Variants in DAB2IP observed in about 807,000 individuals in gnomAD.
The protein encoded by DAB2IP is DAB2 interacting protein.
DAB2IP carries 28 observed loss-of-function variants against 107.2 expected under a neutral mutation model. The ratio of observed to expected loss-of-function variants is 0.26; its 90% CI spans 0.19 to 0.36. The LOEUF (loss-of-function observed/expected upper bound fraction) is 0.36, where lower values mean the gene tolerates loss of function less well. Ranked by LOEUF, DAB2IP falls within the 10% of genes least tolerant of loss-of-function variation. The pLI is 1.00. For synonymous variants in DAB2IP, 755 were observed against 706.4 expected (o/e 1.07, Z -1.09); for missense variants, 1,400 against 1,644.7 (o/e 0.85, Z 2.57).
intron 1 of DAB2IP, among the ~76,000 whole-genome samples, chr9:121,601,873 T>G (rs928016689): frequency 2.9e-5 from 4 of 139,582 alleles, no homozygotes; most frequent in Non-Finnish European, 6.2e-5. Flanking sequence ...GATCCTTGCT[T>G]GCATACATGC....
chr9:121,745,046 G>A (rs1476020561), intron 3 of DAB2IP, among the ~76,000 whole-genome samples: 1 of 152,234 alleles, frequency 6.6e-6, no homozygotes, highest in Non-Finnish European at 1.5e-5. Flanking sequence ...CTGTGGGCCA[G>A]GTGGCAGATG....
intron 2 of DAB2IP, among the ~76,000 whole-genome samples, chr9:121,690,331 G>A (rs1221757616): frequency 6.6e-6 from 1 of 152,092 alleles, no homozygotes; most frequent in Non-Finnish European, 1.5e-5. Context: ...GTGATAGGAC[G>A]TGCAGGCAGG....
At position 121,570,799 on chromosome 9, in the gene DAB2IP, C is replaced by T. The variant is rs181032748; in HGVS notation, c.40+3571C>T. Among the ~76,000 whole-genome samples, 590 of 152,258 alleles carry T rather than the reference C, an allele frequency of 3.9e-3. 5 individuals carry two copies. The highest frequency in any genetic ancestry group is 0.014 in the African/African-American group (571 of 41,520). ...CTGGGCTCTCTCAATCTGCCCGCCT[C>T]GGCTTCCCAAAGTGCTGGGATTACA... On this transcript the variant is annotated intron_variant, in intron 1 of 16. Coordinates refer to the DAB2IP transcript ENST00000259371.
chr9:121,615,197 G>A (rs1279723720), intron 1 of DAB2IP, among the ~76,000 whole-genome samples: 1 of 152,168 alleles, frequency 6.6e-6, no homozygotes, highest in African/African-American at 2.4e-5. Flanking sequence ...ATGCTTTGTA[G>A]AAAAGAAGGT....
rs1382638383 is a variant in DAB2IP, at chr9:121,751,085, G to GCTGCCCGGCTGCTGTGGACCTTTCCCC, written c.363-5901_363-5875dup. On this transcript the variant is annotated intron_variant, in intron 3 of 15. Transcript: ENST00000408936. Reference sequence around the variant, plus strand: ...GTTAGCTGGCTGTGGACCTTTCCCTGCTGCCCGGCTGCTGTGGACCTTTCC... The same window carrying GCTGCCCGGCTGCTGTGGACCTTTCCCC: ...GTTAGCTGGCTGTGGACCTTTCCCTGCTGCCCGGCTGCTGTGGACCTTTCCCCCTGCCCGGCTGCTGTGGACCTTTCC... 254 of 215,582 alleles carry GCTGCCCGGCTGCTGTGGACCTTTCCCC rather than the reference G, an allele frequency of 1.2e-3. 5 individuals are homozygous for GCTGCCCGGCTGCTGTGGACCTTTCCCC. The highest frequency in any genetic ancestry group is 5.9e-3 in the African/African-American group (243 of 41,132). The allele number at this position is 215,582 out of a possible 1,614,324, so 13.4% of individuals were successfully genotyped here. A position where few individuals can be genotyped will look rare whatever the true frequency, so the allele number is the denominator to read the frequency against.
chr9:121,574,735 G>A (rs1830018052), intron 1 of DAB2IP, among the ~76,000 whole-genome samples: 1 of 152,104 alleles, frequency 6.6e-6, no homozygotes, highest in Admixed American at 6.5e-5. Context: ...CCACCCCACT[G>A]GGTCTCCTGG....
At chr9:121,567,131 A>G (rs984845100) in exon 1 of DAB2IP, 1 of 1,610,600 alleles carries the variant, frequency 6.2e-7, no homozygotes, top group East Asian at 2.2e-5. Flanking sequence ...CCAGACGCTC[A>G]TGGAGACAGC....
rs1417818168 is a variant in DAB2IP at position 121,766,766 on chromosome 9, A to G, written c.1697+36A>G. On this transcript the variant is annotated intron_variant, in intron 9 of 15. Coordinates refer to ENST00000408936, the Ensembl canonical transcript of DAB2IP. Reference sequence around the variant, plus strand: ...CCTCCCTCACCAGGCAGAGTTGGGCAGGGCTGGTGTCCACAGGGCAGGCCC... The same window carrying G: ...CCTCCCTCACCAGGCAGAGTTGGGCGGGGCTGGTGTCCACAGGGCAGGCCC... 6 of 1,606,902 alleles carry G rather than the reference A, an allele frequency of 3.7e-6. No homozygotes were observed. The African/African-American group carries it at 8.0e-5, about 21-fold the overall frequency.
rs115048147 is a variant in DAB2IP at position 121,675,657 on chromosome 9, A to T, written c.125-3021A>T. Reference sequence around the variant, plus strand: ...GGAGCCATGGACTCGGTCCAGACACACTGGACCCTCATTCCTGTTGTGGTG... The same window carrying T: ...GGAGCCATGGACTCGGTCCAGACACTCTGGACCCTCATTCCTGTTGTGGTG... On this transcript the variant is annotated intron_variant, in intron 1 of 15. Transcript: ENST00000408936. 7.1e-3 allele frequency among the ~76,000 whole-genome samples: 1,088 copies of T among 152,306 alleles called. 11 individuals are homozygous for T. Among genetic ancestry groups the T allele is most frequent in the African/African-American group, 0.025 (1,049 of 41,572 alleles).
intron 1 of DAB2IP, among the ~76,000 whole-genome samples, chr9:121,586,607 C>T (rs960427741): frequency 5.3e-5 from 8 of 152,022 alleles, no homozygotes; most frequent in Admixed American, 4.6e-4. Flanking sequence ...TACTTGAGCC[C>T]AGGAGTTCGA....
Position 121,760,401 on chromosome 9 carries a change from G to C in DAB2IP, c.1132G>C (p.Ala378Pro). The C allele has an allele frequency of 6.2e-7, 1 of 1,608,142 alleles. No homozygotes were observed. Among genetic ancestry groups the C allele is most frequent in the Non-Finnish European group, 8.5e-7 (1 of 1,179,572 alleles). The change falls in exon 6 of 16, where the codon GCC becomes CCC. Residue 378 changes from alanine to proline, a missense_variant. Around this residue, in one of 3 missense-constraint regions of DAB2IP, gnomAD observed 517 missense variants for 748.6 expected, o/e 0.69. Transcript: ENST00000408936. This position sits in a 1 kb window ranked among gnomAD's most constrained non-coding sequence, Gnocchi z 5.9. ...CAAGACCAAGGAGGAGATGGCATCT[G>C]CCCTGGTGCACATCCTGCAGAGCAC...
intron 1 of DAB2IP, among the ~76,000 whole-genome samples, chr9:121,620,000 G>A (rs1247622643): frequency 1.3e-5 from 2 of 152,178 alleles, no homozygotes; most frequent in South Asian, 4.1e-4. Flanking sequence ...ATTATAAGAC[G>A]TGGTGCCTGC....
At position 121,578,722 on chromosome 9, in the gene DAB2IP, C is replaced by CT. The variant is rs749525264; in HGVS notation, c.40+11530dup. The stretch of plus-strand genomic sequence containing the variant: ...CTGCCTCATCCTCTCCGGCCTATGT[C>CT]TTTTTTTTTTTTTTTTTTTTTTTTT... On this transcript the variant is annotated intron_variant, in intron 1 of 16. Transcript: ENST00000259371. 1.5e-4 allele frequency among the ~76,000 whole-genome samples: 7 copies of CT among 47,324 alleles called. 2 individuals are homozygous for CT. The highest frequency in any genetic ancestry group is 7.4e-4 in the Admixed American group (2 of 2,694). The allele number at this position is 47,324 out of a possible 152,430, so 31.0% of individuals were successfully genotyped here. A position where few individuals can be genotyped will look rare whatever the true frequency, so the allele number is the denominator to read the frequency against.
At chr9:121,697,201 G>T (rs12006480) in intron 2 of DAB2IP, among the ~76,000 whole-genome samples, 12,663 of 152,098 alleles carry the variant, frequency 0.083, 1,277 homozygotes, top group African/African-American at 0.24. Context: ...AAACTTTTTT[G>T]TTTAAACTCA....
intron 1 of DAB2IP, among the ~76,000 whole-genome samples, chr9:121,621,554 C>G (rs1207088488): frequency 1.3e-5 from 2 of 152,124 alleles, no homozygotes; most frequent in African/African-American, 2.4e-5. Context: ...ATTCACAAAG[C>G]CTGCAAGGGA....
At chr9:121,623,171 C>T (rs1329121365) in intron 1 of DAB2IP, among the ~76,000 whole-genome samples, 6 of 152,168 alleles carry the variant, frequency 3.9e-5, no homozygotes, top group Admixed American at 1.3e-4. Flanking sequence ...ATTGCCAAGC[C>T]GGGGTCCTCG....
At chr9:121,770,554 A>T (rs778873287) in exon 11 of DAB2IP, 14 of 1,613,956 alleles carry the variant, frequency 8.7e-6, no homozygotes, top group African/African-American at 1.3e-5. Context: ...AGAGCATAGT[A>T]TCCAAACTGG....
At chr9:121,724,781 T>C (rs987433660) in intron 3 of DAB2IP, among the ~76,000 whole-genome samples, 1 of 152,082 alleles carries the variant, frequency 6.6e-6, no homozygotes, top group Non-Finnish European at 1.5e-5. Flanking sequence ...TTTAGCCCAG[T>C]GTCTGTGGCC....
intron 1 of DAB2IP, among the ~76,000 whole-genome samples, chr9:121,630,033 A>G (rs182785322): frequency 2.6e-4 from 39 of 152,336 alleles, no homozygotes; most frequent in African/African-American, 8.2e-4. Flanking sequence ...GCAATTATAA[A>G]TGTAGATGAT....
Sources: allele counts gnomAD v4.1 joint callset (sites outside exome capture counted in the v4.1 genomes callset), GRCh38; gene constraint gnomAD v4.1.1; regional missense constraint gnomAD v4.1.1; non-coding constraint Gnocchi (gnomAD v3.1); transcripts MANE v1.5; gene names NCBI Gene and HGNC (gene_info 2026-07-23, HGNC 2026-07-21).